SETD3: variants seen among roughly 807,000 people sequenced by gnomAD.
The protein encoded by SETD3 is actin-histidine N-methyltransferase.
In SETD3, 19 loss-of-function variants were observed where a neutral mutation model predicts 63.0. The ratio of observed to expected loss-of-function variants is 0.30; its 90% CI spans 0.21 to 0.44. SETD3 has a LOEUF of 0.44. SETD3 is among the 20% of genes least tolerant of loss of function. The probability of loss-of-function intolerance (pLI) is 1.00; values close to 1 mark genes in which losing one functional copy is unlikely to be tolerated. For synonymous variants in SETD3, 286 were observed against 264.1 expected (o/e 1.08, Z -0.80); for missense variants, 587 against 728.5 (o/e 0.81, Z 2.24).
chr14:99,454,795 C>G (rs1426391129), intron 6 of SETD3, among the ~76,000 whole-genome samples: 1 of 152,150 alleles, frequency 6.6e-6, no homozygotes, highest in East Asian at 1.9e-4. Flanking sequence ...TCAGCCCGAG[C>G]AGGCTGGCTC....
rs1281458621 is a variant in SETD3, at chr14:99,400,257, C to T, written c.1180G>A (p.Glu394Lys). 3 of 1,609,206 alleles carry T rather than the reference C, an allele frequency of 1.9e-6. No individual in the cohort carries two copies. The highest frequency in any genetic ancestry group is 4.5e-5 in the East Asian group (2 of 44,802). The change falls in exon 12 of 13, where the codon GAA becomes AAA. Residue 394 changes from glutamate to lysine, a missense_variant and splice_region_variant. Transcript: ENST00000331768. Reference protein sequence around the residue: ...FLRVFCMTEEELKEHLLGDSA... With the variant: ...FLRVFCMTEEKLKEHLLGDSA... ...TCTCCCAGCAAGTGTTCTTTCAGTT[C>T]TTCTACAAGAAATACAAATGGCAAT...
At chr14:99,454,543 A>T (rs1480603452) in intron 6 of SETD3, among the ~76,000 whole-genome samples, 1 of 152,238 alleles carries the variant, frequency 6.6e-6, no homozygotes, top group Non-Finnish European at 1.5e-5. Context: ...TTTAAAACAA[A>T]ACAAAACAAA....
rs186529433 is a variant in SETD3 at position 99,449,596 on chromosome 14, G to C, written c.675+8683C>G. The stretch of plus-strand genomic sequence containing the variant: ...GCCGGGGTCATGAAAGACAAGGAGA[G>C]ACCAAGGAACTATCCCAGGCTGGAA... On this transcript the variant is annotated intron_variant, in intron 6 of 12. Coordinates refer to ENST00000331768, the MANE Select transcript of SETD3 (RefSeq NM_032233.3). Among the ~76,000 whole-genome samples, 510 of 152,274 alleles carry C rather than the reference G, an allele frequency of 3.3e-3. 3 individuals are homozygous for C. Among genetic ancestry groups the C allele is most frequent in the Non-Finnish European group, 5.1e-3 (349 of 68,026 alleles).
At chr14:99,419,550 C>T (rs1479499107) in intron 6 of SETD3, among the ~76,000 whole-genome samples, 11 of 152,074 alleles carry the variant, frequency 7.2e-5, no homozygotes, top group East Asian at 5.8e-4. Context: ...CCGAAGCGGG[C>T]GGATCACGAG....
At chr14:99,426,224 T>G (rs1396768847) in intron 6 of SETD3, among the ~76,000 whole-genome samples, 1 of 152,214 alleles carries the variant, frequency 6.6e-6, no homozygotes, top group African/African-American at 2.4e-5. Context: ...ACCCATGCAG[T>G]CTACAAAATA....
intron 8 of SETD3, among the ~76,000 whole-genome samples, chr14:99,408,398 T>G (rs1269485037): frequency 6.6e-6 from 1 of 152,128 alleles, no homozygotes; most frequent in African/African-American, 2.4e-5. Flanking sequence ...GATGTACTTT[T>G]CTGACCCCAA....
At chr14:99,477,614 C>A (rs1213830701) in intron 1 of SETD3, among the ~76,000 whole-genome samples, 1 of 151,750 alleles carries the variant, frequency 6.6e-6, no homozygotes, top group African/African-American at 2.4e-5. Flanking sequence ...ATTAGCCAGG[C>A]GTGGTGGCGC....
chr14:99,414,475 C>G (rs1236089312), intron 6 of SETD3, among the ~76,000 whole-genome samples: 1 of 152,222 alleles, frequency 6.6e-6, no homozygotes, highest in Non-Finnish European at 1.5e-5. Context: ...ATCATATACA[C>G]GGCAAATGCG....
intron 6 of SETD3, among the ~76,000 whole-genome samples, chr14:99,433,391 T>C (rs985133138): frequency 1.3e-5 from 2 of 152,088 alleles, no homozygotes; most frequent in African/African-American, 4.8e-5. Flanking sequence ...ATTAATTACA[T>C]GTTTAATAGA....
Position 99,480,818 on chromosome 14 carries a change from G to T in SETD3, c.-99C>A. 1 of 161,346 alleles carries T rather than the reference G, an allele frequency of 6.2e-6. No homozygotes were observed. The highest frequency in any genetic ancestry group is 1.8e-4 in the South Asian group (1 of 5,408). The allele number at this position is 161,346 out of a possible 1,614,324, so 10.0% of individuals were successfully genotyped here. On this transcript the variant is annotated 5_prime_UTR_variant, in exon 1 of 13. Coordinates refer to ENST00000331768, the MANE Select transcript of SETD3 (RefSeq NM_032233.3). ...CCAACCCCCAGGCGGTGGCGGCGGT[G>T]GCGGCGGCGGCGGCCGGACGGGAGG...
chr14:99,470,926 G>A (rs920878239), intron 1 of SETD3, among the ~76,000 whole-genome samples: 2 of 152,160 alleles, frequency 1.3e-5, no homozygotes, highest in African/African-American at 4.8e-5. Flanking sequence ...CCCCTGGCCT[G>A]GCTGTCATTC....
intron 3 of SETD3, among the ~76,000 whole-genome samples, chr14:99,461,976 T>C (rs551586925): frequency 8.5e-5 from 13 of 152,342 alleles, no homozygotes; most frequent in African/African-American, 3.1e-4. Context: ...ATTACAACCA[T>C]ATATTTTTAT....
intron 6 of SETD3, among the ~76,000 whole-genome samples, chr14:99,421,447 T>C (rs1459100997): frequency 1.3e-5 from 2 of 152,008 alleles, no homozygotes; most frequent in Non-Finnish European, 1.5e-5. Flanking sequence ...TCAGTAGTAG[T>C]AATCAGTCAT....
At chr14:99,485,551 ACTC>A (rs1224979595), upstream of SETD3, among the ~76,000 whole-genome samples, 2 of 151,772 alleles carry the variant, frequency 1.3e-5, no homozygotes, top group East Asian at 1.9e-4. Context: ...CCTTGTTCTG[ACTC>A]CTCTAGTGAT....
At chr14:99,423,264 G>T (rs1466457309) in intron 6 of SETD3, among the ~76,000 whole-genome samples, 2 of 151,952 alleles carry the variant, frequency 1.3e-5, no homozygotes, top group Admixed American at 6.6e-5. Context: ...TCTGAGAAGG[G>T]AACCCTCAAA....
intron 6 of SETD3, among the ~76,000 whole-genome samples, chr14:99,414,167 C>T (rs1895432736): frequency 6.6e-6 from 1 of 152,214 alleles, no homozygotes; most frequent in African/African-American, 2.4e-5. Context: ...CTTCATATTT[C>T]GATACTAGCA....
At position 99,406,598 on chromosome 14, in the gene SETD3, G is replaced by A. The variant is rs772631283; in HGVS notation, c.850-8C>T. The A allele has an allele frequency of 3.4e-5, 55 of 1,613,514 alleles. No homozygotes were observed. In the East Asian group the frequency reaches 5.8e-4, roughly 17 times the overall value. On this transcript the variant is annotated splice_polypyrimidine_tract_variant and splice_region_variant and intron_variant, in intron 8 of 12. Coordinates refer to ENST00000331768, the MANE Select transcript of SETD3 (RefSeq NM_032233.3). The stretch of plus-strand genomic sequence containing the variant: ...GTTGTAACCAGTAGTGATCTAGCCC[G>A]GGGAGGAGGAAGGAAATGATGGTGA...
chr14:99,458,253 T>C (rs765834040), intron 6 of SETD3, 26 bp downstream of exon 6: 3 of 1,599,710 alleles, frequency 1.9e-6, no homozygotes, highest in Admixed American at 3.4e-5. Flanking sequence ...GTGAAATATA[T>C]ACTTAAATTG....
intron 6 of SETD3, among the ~76,000 whole-genome samples, chr14:99,416,203 A>G (rs534865162): frequency 3.9e-5 from 6 of 152,142 alleles, no homozygotes; most frequent in Non-Finnish European, 8.8e-5. Context: ...ATGCCAAACA[A>G]TTTTCATTTA....
Sources: gnomAD v4.1 joint callset for allele counts (sites outside exome capture counted in the v4.1 genomes callset) on GRCh38, gnomAD v4.1.1 for gene constraint, MANE v1.5 for transcripts, NCBI Gene and HGNC (gene_info 2026-07-23, HGNC 2026-07-21) for gene names.